The following PNPLA1 variants were observed in gnomAD, a reference collection of about 807,000 sequenced individuals.
PNPLA1 encodes patatin like domain 1, omega-hydroxyceramide transacylase, also known as omega-hydroxyceramide transacylase.
A neutral mutation model predicts 51.7 loss-of-function variants in PNPLA1; 36 were observed. That is an observed-to-expected ratio of 0.70 (90% CI 0.53 to 0.92). PNPLA1 has a LOEUF of 0.92. Among genes scored for constraint, PNPLA1 ranks in the 40% least tolerant of loss-of-function variants. PNPLA1 has a pLI of 0.00. For missense variants in PNPLA1, 658 were observed against 682.5 expected, an observed-to-expected ratio of 0.96 and a Z score of 0.40; for synonymous variants, 293 against 280.1, an observed-to-expected ratio of 1.05 and a Z score of -0.46.
In PNPLA1 at chr6:36,313,237, A is replaced by G. The variant is rs1415646672; in HGVS notation, c.*1351A>G. On this transcript the variant is annotated 3_prime_UTR_variant, in exon 9 of 9. Coordinates refer to ENST00000636260, the MANE Select transcript of PNPLA1 (RefSeq NM_001374623.1). ...GCTCTCTGTCTGCTGTTCACACCTCAGTGAAAATGTTCCGTGAGGAGGACA... is the reference window on the plus strand; with the variant it reads ...GCTCTCTGTCTGCTGTTCACACCTCGGTGAAAATGTTCCGTGAGGAGGACA... Among the ~76,000 whole-genome samples the G allele has an allele frequency of 6.6e-6, 1 of 152,152 alleles. No homozygotes were observed. The highest frequency in any genetic ancestry group is 1.5e-5 in the Non-Finnish European group (1 of 68,006).
rs1461364149 is a variant in PNPLA1, at chr6:36,313,708, C to T, written c.*1822C>T. Among the ~76,000 whole-genome samples, 2 of 152,228 alleles carry T rather than the reference C, an allele frequency of 1.3e-5. No homozygotes were observed. The highest frequency in any genetic ancestry group is 6.5e-5 in the Admixed American group (1 of 15,290). ...CTGTGGGGGAGACTGACTAGAGAGG[C>T]CCGCCCGGCCGCAGGCCTTTCTTCC... On this transcript the variant is annotated 3_prime_UTR_variant, in exon 9 of 9. Coordinates refer to ENST00000636260, the MANE Select transcript of PNPLA1 (RefSeq NM_001374623.1).
intron 1 of PNPLA1, among the ~76,000 whole-genome samples, chr6:36,255,401 A>G (rs750828328): frequency 6.6e-6 from 1 of 152,260 alleles, no homozygotes; most frequent in Non-Finnish European, 1.5e-5. Context: ...ACTACTTGGG[A>G]GGCCGAGGCA....
chr6:36,301,309 G>A (rs2127351358), intron 5 of PNPLA1, among the ~76,000 whole-genome samples: 1 of 152,212 alleles, frequency 6.6e-6, no homozygotes, highest in Admixed American at 6.5e-5. Context: ...CTGCCTAAAA[G>A]TCATGCTACA....
At chr6:36,291,601 G>T in intron 2 of PNPLA1, 49 bp downstream of exon 2, 11 of 1,189,804 alleles carry the variant, frequency 9.2e-6, no homozygotes, top group South Asian at 6.9e-5. Flanking sequence ...GCGGGGGAGG[G>T]CGGCTCCTGC....
intron 1 of PNPLA1, among the ~76,000 whole-genome samples, chr6:36,282,433 C>T (rs1770348262): frequency 6.6e-6 from 1 of 152,176 alleles, no homozygotes; most frequent in Admixed American, 6.5e-5. Context: ...CGTCTCTATC[C>T]AAATGGATAA....
chr6:36,267,611 A>C (rs11755857), upstream of PNPLA1, among the ~76,000 whole-genome samples: 20,526 of 152,132 alleles, frequency 0.13, 1,744 homozygotes, highest in African/African-American at 0.23. Context: ...CAGGTGCCTG[A>C]AGCCCATGTA....
At chr6:36,285,205 G>T (rs1043872082) in intron 1 of PNPLA1, among the ~76,000 whole-genome samples, 7 of 152,230 alleles carry the variant, frequency 4.6e-5, no homozygotes, top group Non-Finnish European at 7.3e-5. Flanking sequence ...GGTGATCCAT[G>T]CAGGGATTCT....
At chr6:36,302,621 C>A in intron 6 of PNPLA1, 152 bp downstream of exon 6, 1 of 1,081,360 alleles carries the variant, frequency 9.2e-7, no homozygotes, top group Non-Finnish European at 1.3e-6. Flanking sequence ...GAGGACAGTC[C>A]GCCACAAGGG....
intron 3 of PNPLA1, 120 bp downstream of exon 3, chr6:36,293,246 A>C: frequency 1.0e-6 from 1 of 994,574 alleles, no homozygotes; most frequent in Non-Finnish European, 1.5e-6. Flanking sequence ...CTAGAGTTGG[A>C]GAGTTTCTCA....
rs1769862761 is a variant in PNPLA1, at chr6:36,270,069, C to A, written c.-391C>A. 6.6e-6 allele frequency among the ~76,000 whole-genome samples: 1 copy of A among 152,234 alleles called. No homozygotes were observed. The highest frequency in any genetic ancestry group is 2.1e-4 in the South Asian group (1 of 4,834). Reference sequence around the variant, plus strand: ...CAGAGCCCGCCTCCTTGGGCATGGCCCTGTGCTGGGGAGCAGTGAATGCGC... The same window carrying A: ...CAGAGCCCGCCTCCTTGGGCATGGCACTGTGCTGGGGAGCAGTGAATGCGC... On this transcript the variant is annotated 5_prime_UTR_variant, in exon 1 of 9. Transcript: ENST00000636260.
chr6:36,258,783 A>G (rs527443823), intron 1 of PNPLA1, among the ~76,000 whole-genome samples: 1 of 152,340 alleles, frequency 6.6e-6, no homozygotes, highest in South Asian at 2.1e-4. Context: ...GAAGAAAGGG[A>G]CCAGAATCCA....
chr6:36,264,365 A>G (rs993054309), intron 1 of PNPLA1, among the ~76,000 whole-genome samples: 40 of 152,242 alleles, frequency 2.6e-4, no homozygotes, highest in African/African-American at 8.4e-4. Context: ...AGGAAAATGG[A>G]AAAGACTGGA....
intron 1 of PNPLA1, among the ~76,000 whole-genome samples, chr6:36,258,338 C>G (rs1561848747): frequency 6.6e-6 from 1 of 152,194 alleles, no homozygotes; most frequent in South Asian, 2.1e-4. Context: ...CCAGTACAAG[C>G]GTGAGCTTTA....
At chr6:36,243,721 C>T (rs1769194868) in intron 1 of PNPLA1, among the ~76,000 whole-genome samples, 1 of 152,116 alleles carries the variant, frequency 6.6e-6, no homozygotes, top group African/African-American at 2.4e-5. Context: ...TGACTCAAGA[C>T]ACTCACCTCC....
chr6:36,256,771 G>A (rs116241117), intron 1 of PNPLA1, among the ~76,000 whole-genome samples: 2,964 of 152,158 alleles, frequency 0.019, 97 homozygotes, highest in African/African-American at 0.063. Context: ...TGAGGTTTGA[G>A]AATTTTGTCT....
rs1285067702 is a variant in PNPLA1 at position 36,270,602 on chromosome 6, G to A, written c.143G>A (p.Arg48His). Reference sequence around the variant, plus strand: ...CCCCGGATGCTGGAAACAGCCCACCGCTTTGCGGGGACATCGGCAGGTGCT... The same window carrying A: ...CCCCGGATGCTGGAAACAGCCCACCACTTTGCGGGGACATCGGCAGGTGCT... ...LAPRMLETAHRFAGTSAGAVI... is the reference protein window; with the variant it reads ...LAPRMLETAHHFAGTSAGAVI... Residue 48 changes from arginine to histidine, a missense_variant, in exon 1 of 9, where the codon CGC becomes CAC. Arg to His is a conservative substitution (Grantham distance 29, BLOSUM62 0). Coordinates refer to ENST00000636260, the MANE Select transcript of PNPLA1 (RefSeq NM_001374623.1). The A allele has an allele frequency of 7.7e-6, 12 of 1,551,532 alleles. No individual in the cohort carries two copies. Among genetic ancestry groups the A allele is most frequent in the Admixed American group, 3.9e-5 (2 of 50,994 alleles).
upstream of PNPLA1, among the ~76,000 whole-genome samples, chr6:36,266,926 T>C (rs952937415): frequency 6.6e-6 from 1 of 152,234 alleles, no homozygotes; most frequent in Non-Finnish European, 1.5e-5. Context: ...CAAAGGGTGA[T>C]ACCCCATCAG....
rs1442662719 is a variant in PNPLA1, at chr6:36,294,772, T to A, written c.714+373T>A. Among the ~76,000 whole-genome samples the A allele has an allele frequency of 1.3e-5, 2 of 151,458 alleles. No homozygotes were observed. Among genetic ancestry groups the A allele is most frequent in the African/African-American group, 4.9e-5 (2 of 41,140 alleles). The stretch of plus-strand genomic sequence containing the variant: ...GTACAGCCTGTGAGCTAAGAAAGGG[T>A]TTTCCATTTTTAGAGAGTTATGGGG... On this transcript the variant is annotated intron_variant, in intron 4 of 8. Coordinates refer to ENST00000636260, the MANE Select transcript of PNPLA1 (RefSeq NM_001374623.1). This position sits in a 1 kb window ranked among gnomAD's most constrained non-coding sequence, Gnocchi z 4.2.
At chr6:36,246,749 A>G (rs1050446019) in intron 1 of PNPLA1, among the ~76,000 whole-genome samples, 3 of 152,158 alleles carry the variant, frequency 2.0e-5, no homozygotes, top group South Asian at 2.1e-4. Flanking sequence ...TGTTGAAACA[A>G]GATCCTCCCA....
Sources: allele counts gnomAD v4.1 joint callset (sites outside exome capture counted in the v4.1 genomes callset), GRCh38; gene constraint gnomAD v4.1.1; non-coding constraint Gnocchi (gnomAD v3.1); transcripts MANE v1.5; gene names NCBI Gene and HGNC (gene_info 2026-07-23, HGNC 2026-07-21).